Variants in NCOA1 observed in about 807,000 individuals in gnomAD.
NCOA1 encodes the protein Hin-2 protein.
A neutral mutation model predicts 150.9 loss-of-function variants in NCOA1; 35 were observed. That is an observed-to-expected ratio of 0.23 (90% CI 0.18 to 0.31). NCOA1 has a LOEUF of 0.31. Ranked by LOEUF, NCOA1 falls within the 10% of genes least tolerant of loss-of-function variation. The pLI is 1.00. For synonymous variants in NCOA1, 590 were observed against 630.0 expected, an observed-to-expected ratio of 0.94 and a Z score of 0.95; for missense variants, 1,491 against 1,749.3, an observed-to-expected ratio of 0.85 and a Z score of 2.63.
intron 1 of NCOA1, among the ~76,000 whole-genome samples, chr2:24,535,049 T>G (rs1665068238): frequency 6.6e-6 from 1 of 152,130 alleles, no homozygotes; most frequent in African/African-American, 2.4e-5. Flanking sequence ...GACAGTGGGG[T>G]GTTAAAGTCT....
rs1343039895 is a variant in NCOA1, at chr2:24,639,912, GTGTGTATATATA to G, written c.-174-4052_-174-4041del. 6.6e-3 allele frequency among the ~76,000 whole-genome samples: 631 copies of G among 95,920 alleles called. 62 individuals carry two copies. The highest frequency in any genetic ancestry group is 0.011 in the African/African-American group (222 of 19,956). 62.9% of individuals were successfully genotyped at this position (95,920 alleles called of 152,430 possible). A position where few individuals can be genotyped will look rare whatever the true frequency, so the allele number is the denominator to read the frequency against. On this transcript the variant is annotated intron_variant, in intron 3 of 22. Coordinates refer to ENST00000348332, the MANE Select transcript of NCOA1 (RefSeq NM_003743.5). ...CAAAAAAAAAAAAAAAAGTATGTGT[GTGTGTATATATA>G]TATATATATATATATATATATATAT...
At chr2:24,527,653 T>C (rs939781093) in intron 1 of NCOA1, among the ~76,000 whole-genome samples, 13 of 152,206 alleles carry the variant, frequency 8.5e-5, no homozygotes, top group African/African-American at 3.1e-4. Context: ...TACAAGGTGG[T>C]AATTTAATCT....
intron 1 of NCOA1, among the ~76,000 whole-genome samples, chr2:24,560,313 T>C (rs1407723482): frequency 1.3e-5 from 2 of 152,176 alleles, no homozygotes; most frequent in Non-Finnish European, 2.9e-5. Flanking sequence ...AGTCTTTCCT[T>C]GGAGGAGTTA....
intron 19 of NCOA1, among the ~76,000 whole-genome samples, chr2:24,745,150 CTTTTTTCTTTTTTTTTTTT>C (rs1362663015): frequency 6.9e-6 from 1 of 144,284 alleles, no homozygotes; most frequent in East Asian, 2.0e-4. Flanking sequence ...AAATTGTTTT[CTTTTTTCTTTTTTTTTTTT>C]TTTTTTCTTT....
intron 7 of NCOA1, among the ~76,000 whole-genome samples, chr2:24,680,446 G>T (rs1226685191): frequency 6.6e-6 from 1 of 152,116 alleles, no homozygotes; most frequent in South Asian, 2.1e-4. Context: ...GAACCTAGAA[G>T]ACATTATGTT....
At chr2:24,649,917 GATA>G (rs1670639761) in intron 4 of NCOA1, among the ~76,000 whole-genome samples, 1 of 152,008 alleles carries the variant, frequency 6.6e-6, no homozygotes, top group Non-Finnish European at 1.5e-5. Flanking sequence ...CCAAATCCTT[GATA>G]ATGTCTTTAT....
At position 24,658,116 on chromosome 2, in the gene NCOA1, G is replaced by C. The variant is rs143199203; in HGVS notation, c.-17-545G>C. On this transcript the variant is annotated intron_variant, in intron 4 of 22. Coordinates refer to ENST00000348332, the MANE Select transcript of NCOA1 (RefSeq NM_003743.5). ...TTGTTGCCTGACTACATAAACAAAAGGTTAGGAGTATAGAACTCACAGCGT... is the reference window on the plus strand; with the variant it reads ...TTGTTGCCTGACTACATAAACAAAACGTTAGGAGTATAGAACTCACAGCGT... Among the ~76,000 whole-genome samples, 1,125 of 152,186 alleles carry C rather than the reference G, an allele frequency of 7.4e-3. 13 individuals carry two copies. Among genetic ancestry groups the C allele is most frequent in the African/African-American group, 0.025 (1,053 of 41,528 alleles).
intron 3 of NCOA1, among the ~76,000 whole-genome samples, chr2:24,638,668 T>C (rs775660604): frequency 6.6e-6 from 1 of 152,220 alleles, no homozygotes; most frequent in Non-Finnish European, 1.5e-5. Context: ...TTTTGTCTTT[T>C]TGATAATAGC....
At chr2:24,692,611 A>C (rs1452683195) in intron 9 of NCOA1, among the ~76,000 whole-genome samples, 1 of 152,190 alleles carries the variant, frequency 6.6e-6, no homozygotes, top group Non-Finnish European at 1.5e-5. Flanking sequence ...ACAAAACTGT[A>C]TTTTAAAAAA....
At chr2:24,613,589 G>T (rs1271652008) in intron 3 of NCOA1, among the ~76,000 whole-genome samples, 1 of 152,208 alleles carries the variant, frequency 6.6e-6, no homozygotes, top group Non-Finnish European at 1.5e-5. Context: ...ATCCAGGAGA[G>T]TGGGTACTCC....
chr2:24,503,988 G>C (rs1663585047), intron 1 of NCOA1, among the ~76,000 whole-genome samples: 1 of 152,098 alleles, frequency 6.6e-6, no homozygotes, highest in Admixed American at 6.5e-5. Flanking sequence ...GCCTGCCTCA[G>C]CCTCCCAAAG....
intron 11 of NCOA1, among the ~76,000 whole-genome samples, chr2:24,701,258 C>T (rs1291765386): frequency 6.6e-6 from 1 of 151,678 alleles, no homozygotes; most frequent in Non-Finnish European, 1.5e-5. Flanking sequence ...TAATCCCAGC[C>T]CTTGGGAGGC....
intron 3 of NCOA1, among the ~76,000 whole-genome samples, chr2:24,591,232 A>G (rs1324593910): frequency 6.6e-6 from 1 of 152,192 alleles, no homozygotes. Context: ...CTAATTGTGG[A>G]AATGGACCAA....
chr2:24,765,454 GTGCCAC>G (rs1665013542), intron 22 of NCOA1, among the ~76,000 whole-genome samples: 2 of 150,838 alleles, frequency 1.3e-5, no homozygotes, highest in South Asian at 4.2e-4. Flanking sequence ...AGCCGAGATC[GTGCCAC>G]TGCACTCCAG....
intron 19 of NCOA1, among the ~76,000 whole-genome samples, chr2:24,745,365 T>C (rs781567705): frequency 8.5e-5 from 13 of 152,096 alleles, no homozygotes; most frequent in Admixed American, 5.2e-4. Flanking sequence ...AGTTTCACCA[T>C]GTTAGCCAGG....
At chr2:24,674,123 A>ATGTATGTG (rs374312742) in intron 7 of NCOA1, among the ~76,000 whole-genome samples, 2 of 145,502 alleles carry the variant, frequency 1.4e-5, no homozygotes, top group East Asian at 4.1e-4. Flanking sequence ...ATATGTATGT[A>ATGTATGTG]TGTGTGTGTG....
intron 3 of NCOA1, among the ~76,000 whole-genome samples, chr2:24,639,912 G>GTGTGTA (rs1344252448): frequency 2.1e-5 from 2 of 95,966 alleles, no homozygotes; most frequent in Non-Finnish European, 4.0e-5. Flanking sequence ...AAGTATGTGT[G>GTGTGTA]TGTGTATATA....
At chr2:24,708,932 C>A (rs1401100166) in intron 13 of NCOA1, among the ~76,000 whole-genome samples, 2 of 152,298 alleles carry the variant, frequency 1.3e-5, no homozygotes, top group African/African-American at 2.4e-5. Flanking sequence ...CCTTCACAAA[C>A]CAATTCAAAT....
chr2:24,501,704 T>A (rs891751877), intron 1 of NCOA1, among the ~76,000 whole-genome samples: 3 of 152,192 alleles, frequency 2.0e-5, no homozygotes, highest in Admixed American at 6.5e-5. Flanking sequence ...GTTCATAGAA[T>A]AAGAGCCCCT....
Sources: gnomAD v4.1 joint callset for allele counts (sites outside exome capture counted in the v4.1 genomes callset) on GRCh38, gnomAD v4.1.1 for gene constraint, MANE v1.5 for transcripts, NCBI Gene and HGNC (gene_info 2026-07-23, HGNC 2026-07-21) for gene names.